Variants in ANO4 observed in about 807,000 individuals in gnomAD.
The protein encoded by ANO4 is anoctamin 4, also known as anoctamin-4.
Under a neutral mutation model 141.9 loss-of-function variants are expected in ANO4, and 69 were observed. That is an observed-to-expected ratio of 0.49 (90% CI 0.40 to 0.59). The LOEUF is 0.59. ANO4 is among the 20% of genes least tolerant of loss of function. The pLI, the probability that ANO4 is intolerant of heterozygous loss-of-function variation, is 0.00. For synonymous variants in ANO4, 350 were observed against 394.3 expected (o/e 0.89, Z 1.33); for missense variants, 894 against 1,162.2 (o/e 0.77, Z 3.36).
chr12:101,123,148 C>T (rs1475655916), intron 26 of ANO4, among the ~76,000 whole-genome samples: 2 of 152,144 alleles, frequency 1.3e-5, no homozygotes, highest in African/African-American at 2.4e-5. Context: ...CAAGACTATT[C>T]TATCACTGCT....
chr12:101,080,900 T>C lies in ANO4; in HGVS notation c.1395+1625T>C, dbSNP rs186801500. ...TATATATATTATATATATATATATA[T>C]ACATACACATATACATATATATAAA... On this transcript the variant is annotated intron_variant, in intron 15 of 27. Transcript: ENST00000392977. Among the ~76,000 whole-genome samples, 382 of 130,698 alleles carry C rather than the reference T, an allele frequency of 2.9e-3. 7 individuals carry two copies. The highest frequency in any genetic ancestry group is 0.012 in the East Asian group (57 of 4,824). 85.7% of individuals were successfully genotyped at this position (130,698 alleles called of 152,430 possible).
At chr12:101,110,195 G>T (rs1399253541) in intron 22 of ANO4, among the ~76,000 whole-genome samples, 1 of 152,110 alleles carries the variant, frequency 6.6e-6, no homozygotes, top group Non-Finnish European at 1.5e-5. Context: ...TCCTAGGTGT[G>T]CTCATAGCTC....
intron 24 of ANO4, among the ~76,000 whole-genome samples, chr12:101,112,703 C>T (rs1189134333): frequency 1.3e-5 from 2 of 152,180 alleles, no homozygotes; most frequent in Non-Finnish European, 2.9e-5. Flanking sequence ...CAACTGAACT[C>T]ATGCAAACCT....
rs140633648 is a variant in ANO4, at chr12:101,094,659, T to C, written c.1738+367T>C. Among the ~76,000 whole-genome samples the C allele has an allele frequency of 7.9e-5, 12 of 152,270 alleles. No individual in the cohort carries two copies. The East Asian group carries it at 9.6e-4, about 12-fold the overall frequency. On this transcript the variant is annotated intron_variant, in intron 18 of 27. Transcript: ENST00000392977. The stretch of plus-strand genomic sequence containing the variant: ...TAATTAAAAATGTATCAAGTTTTTA[T>C]GGTATATAAACTCACAGCAAAGTTA...
At chr12:101,045,180 T>G (rs2047571652) in intron 13 of ANO4, among the ~76,000 whole-genome samples, 1 of 152,228 alleles carries the variant, frequency 6.6e-6, no homozygotes, top group South Asian at 2.1e-4. Flanking sequence ...TAGTTACAGC[T>G]ATAATAATAG....
chr12:100,726,701 T>C (rs1027145605), intron 1 of ANO4, among the ~76,000 whole-genome samples: 1 of 152,216 alleles, frequency 6.6e-6, no homozygotes, highest in Non-Finnish European at 1.5e-5. Flanking sequence ...CAGTAGTTGG[T>C]GCTTATATAG....
chr12:100,874,530 A>AT (rs1488396758), intron 1 of ANO4, among the ~76,000 whole-genome samples: 1 of 151,800 alleles, frequency 6.6e-6, no homozygotes, highest in African/African-American at 2.4e-5. Context: ...TTTTATTTTT[A>AT]TTTTTTTGAG....
chr12:101,120,759 A>T, intron 26 of ANO4, 134 bp downstream of exon 26: 2 of 655,984 alleles, frequency 3.0e-6, no homozygotes, highest in Non-Finnish European at 5.1e-6. Flanking sequence ...ATATTATGTA[A>T]CCTCTTTTTG....
chr12:101,107,448 A>T (rs895492231), intron 22 of ANO4, among the ~76,000 whole-genome samples: 1 of 152,224 alleles, frequency 6.6e-6, no homozygotes, highest in African/African-American at 2.4e-5. Flanking sequence ...TGGCAGCTAC[A>T]GAGGAGGTAG....
chr12:100,928,627 A>C (rs2041970164), intron 3 of ANO4, among the ~76,000 whole-genome samples: 1 of 152,160 alleles, frequency 6.6e-6, no homozygotes. Flanking sequence ...TTTTATGCAG[A>C]GCATGAATGA....
intron 1 of ANO4, among the ~76,000 whole-genome samples, chr12:100,804,597 A>T (rs1306192518): frequency 6.6e-6 from 1 of 152,200 alleles, no homozygotes; most frequent in Non-Finnish European, 1.5e-5. Context: ...TTTTCTCCAC[A>T]ACTTTGACAG....
At chr12:100,966,891 A>C (rs1359833637) in intron 5 of ANO4, among the ~76,000 whole-genome samples, 1 of 151,390 alleles carries the variant, frequency 6.6e-6, no homozygotes, top group Admixed American at 6.6e-5. Context: ...ACATACACAC[A>C]CACACACACA....
chr12:100,954,468 GCACC>G (rs1439931297), intron 5 of ANO4, among the ~76,000 whole-genome samples: 1 of 152,106 alleles, frequency 6.6e-6, no homozygotes, highest in Non-Finnish European at 1.5e-5. Context: ...TTCCATCTGA[GCACC>G]CATCATTGTA....
At chr12:100,855,016 G>C (rs981878873) in intron 1 of ANO4, among the ~76,000 whole-genome samples, 1 of 151,714 alleles carries the variant, frequency 6.6e-6, no homozygotes, top group Non-Finnish European at 1.5e-5. Flanking sequence ...CTCCTCATAC[G>C]CTTTATGGCC....
intron 14 of ANO4, among the ~76,000 whole-genome samples, chr12:101,049,362 T>C (rs2047764266): frequency 6.6e-6 from 1 of 152,218 alleles, no homozygotes; most frequent in Non-Finnish European, 1.5e-5. Context: ...AAAAGATGTC[T>C]TTCTCCTTTG....
chr12:101,116,560 G>A, intron 24 of ANO4, 119 bp from the exon 25 acceptor site: 2 of 1,418,802 alleles, frequency 1.4e-6, no homozygotes, highest in Non-Finnish European at 2.0e-6. Context: ...TGGTTGACAA[G>A]GAAGGGCCAG....
chr12:101,036,730 A>G (rs1205404181), intron 9 of ANO4, among the ~76,000 whole-genome samples: 3 of 152,180 alleles, frequency 2.0e-5, no homozygotes, highest in Admixed American at 2.0e-4. Context: ...AAGAGTATAA[A>G]GTTTCATTTA....
intron 1 of ANO4, among the ~76,000 whole-genome samples, chr12:100,878,628 C>G (rs1038193401): frequency 3.3e-5 from 5 of 152,136 alleles, no homozygotes; most frequent in African/African-American, 1.2e-4. Flanking sequence ...TAACTTTTTC[C>G]TGAAGCTATT....
chr12:101,001,334 A>C (rs1042982874), intron 8 of ANO4, among the ~76,000 whole-genome samples: 1 of 152,228 alleles, frequency 6.6e-6, no homozygotes, highest in Non-Finnish European at 1.5e-5. Context: ...GGAAGAGCAG[A>C]GGTGAGGAAA....
Sources: gnomAD v4.1 joint callset for allele counts (sites outside exome capture counted in the v4.1 genomes callset) on GRCh38, gnomAD v4.1.1 for gene constraint, MANE v1.5 for transcripts, NCBI Gene and HGNC (gene_info 2026-07-23, HGNC 2026-07-21) for gene names.